Variants in TMEM35A observed in about 807,000 individuals in gnomAD.
TMEM35A encodes nicotinic acetylcholine receptor chaperone.
For missense variants in TMEM35A, 83 were observed against 132.7 expected, an observed-to-expected ratio of 0.63 and a Z score of 1.84; for synonymous variants, 50 against 54.7, an observed-to-expected ratio of 0.91 and a Z score of 0.38.
At chrX:101,081,860 C>G (rs1043221546) in intron 1 of TMEM35A, 1 of 111,066 alleles carries the variant, frequency 9.0e-6, no homozygotes, top group Non-Finnish European at 1.9e-5. Context: ...ATGACATATC[C>G]AAGGCCAGAA....
intron 1 of TMEM35A, among the ~76,000 whole-genome samples, chrX:101,087,784 T>C (rs2089311742): frequency 9.0e-6 from 1 of 111,623 alleles, no homozygotes; most frequent in African/African-American, 3.3e-5. Context: ...GCTGGGCACA[T>C]AACAAGGTCA....
At chrX:101,091,906 C>G (rs1405847015) in intron 1 of TMEM35A, among the ~76,000 whole-genome samples, 1 of 111,273 alleles carries the variant, frequency 9.0e-6, no homozygotes, top group Non-Finnish European at 1.9e-5. Flanking sequence ...GAGTGCCTCA[C>G]CACCCACTTT....
rs1380810531 is a variant in TMEM35A at position 101,095,143 on chromosome X, T to G, written c.*187T>G. ...AATGACTTCCCCACATTGACATTTG[T>G]GCGCCACCTTTAATCACTCTGGGGC... On this transcript the variant is annotated 3_prime_UTR_variant, in exon 2 of 2. Coordinates refer to ENST00000372930, the MANE Select transcript of TMEM35A (RefSeq NM_021637.3). 1 of 460,090 alleles carries G rather than the reference T, an allele frequency of 2.2e-6. No individual in the cohort carries two copies. The highest frequency in any genetic ancestry group is 3.5e-6 in the Non-Finnish European group (1 of 284,956). The allele number at this position is 460,090 out of a possible 1,213,427, so 37.9% of individuals were successfully genotyped here. A position where few individuals can be genotyped will look rare whatever the true frequency, so the allele number is the denominator to read the frequency against.
At chrX:101,079,155 C>T (rs781148706) in intron 1 of TMEM35A, 33 bp downstream of exon 1, 103 of 1,202,495 alleles carry the variant, frequency 8.6e-5, no homozygotes, top group Non-Finnish European at 1.1e-4. Context: ...GAGGAGCGCA[C>T]TCCCATGGGA....
intron 1 of TMEM35A, among the ~76,000 whole-genome samples, chrX:101,083,677 T>TTAC (rs2148108791): frequency 1.8e-5 from 2 of 111,659 alleles, no homozygotes; most frequent in East Asian, 5.6e-4. Flanking sequence ...CTCTCTGAGG[T>TTAC]GGTACAGTAC....
Position 101,079,023 on chromosome X carries a change from A to C in TMEM35A, c.21A>C (p.Val7=). Residue 7 remains valine (V), a synonymous_variant, in exon 1 of 2, where the codon GTA becomes GTC. Coordinates refer to ENST00000372930, the MANE Select transcript of TMEM35A (RefSeq NM_021637.3). MASPRT[V]TIVALSVALG... ...ACCCCATGGCATCCCCCAGAACCGT[A>C]ACTATTGTGGCCCTCTCAGTGGCCC... is the stretch of plus-strand genomic sequence containing the variant. 2 of 1,211,326 alleles carry C rather than the reference A, an allele frequency of 1.7e-6. No individual in the cohort carries two copies. The highest frequency in any genetic ancestry group is 2.2e-6 in the Non-Finnish European group (2 of 895,333).
intron 1 of TMEM35A, among the ~76,000 whole-genome samples, chrX:101,093,684 G>A (rs1253951263): frequency 1.8e-5 from 2 of 111,938 alleles, no homozygotes; most frequent in Admixed American, 9.6e-5. Context: ...CAAATTATTC[G>A]CCTTATTACC....
At chrX:101,082,137 T>TC (rs1463310219) in intron 1 of TMEM35A, among the ~76,000 whole-genome samples, 1 of 81,267 alleles carries the variant, frequency 1.2e-5, no homozygotes, top group Non-Finnish European at 2.1e-5. Context: ...TTCTTTCTTT[T>TC]TTTTTTTTTT....
In TMEM35A at chrX:101,095,310, TGCGC is replaced by T. The variant is rs201592497; in HGVS notation, c.*365_*368del. On this transcript the variant is annotated 3_prime_UTR_variant, in exon 2 of 2. Transcript: ENST00000372930. ...CTCTGTGTGTGTGTGTGTGTGTGTG[TGCGC>T]GCGCGCGCGCACGCGCACACACTCA... is the stretch of plus-strand genomic sequence containing the variant. 2,177 of 109,345 alleles carry T rather than the reference TGCGC, an allele frequency of 0.02. 68 individuals carry two copies. Among genetic ancestry groups the T allele is most frequent in the African/African-American group, 0.077 (1,920 of 25,037 alleles). The allele number at this position is 109,345 out of a possible 1,213,427, so 9.0% of individuals were successfully genotyped here.
In TMEM35A at chrX:101,078,891, G is replaced by T; in HGVS notation, c.-112G>T. On this transcript the variant is annotated 5_prime_UTR_variant, in exon 1 of 2. Transcript: ENST00000372930. ...CTCCTCTCCCTTTGTCATTCTAGCT[G>T]CCTGCTGCCTCCGCAGCGTCCCCCC... 9.8e-7 allele frequency: 1 copy of T among 1,025,313 alleles called. No homozygotes were observed. Among genetic ancestry groups the T allele is most frequent in the South Asian group, 2.2e-5 (1 of 45,852 alleles). 84.5% of individuals were successfully genotyped at this position (1,025,313 alleles called of 1,213,427 possible).
In TMEM35A at chrX:101,094,567, C is replaced by A; in HGVS notation, c.121-6C>A. ...CAGTAATTTCCTTACAATATTCTCA[C>A]TCTAGAAACGTGCTTACAAGAGCTA... On this transcript the variant is annotated splice_polypyrimidine_tract_variant and splice_region_variant and intron_variant, in intron 1 of 1. Transcript: ENST00000372930. 8.4e-7 allele frequency: 1 copy of A among 1,191,216 alleles called. No individual in the cohort carries two copies. Among genetic ancestry groups the A allele is most frequent in the Admixed American group, 2.3e-5 (1 of 43,586 alleles).
At position 101,094,746 on chromosome X, in the gene TMEM35A, G is replaced by A. The variant is rs376281869; in HGVS notation, c.294G>A (p.Val98=). Residue 98 remains valine, a synonymous_variant, in exon 2 of 2, where the codon GTG becomes GTA. Transcript: ENST00000372930. ...CCAACTTCTTCCTACTGTTGCTGGT[G>A]TTGGCTGTGCTCTTCTTCCACCAGC... ...DVANFFLLLL[V]LAVLFFHQLV... 2.5e-6 allele frequency: 3 copies of A among 1,209,558 alleles called. No individual in the cohort carries two copies. Among genetic ancestry groups the A allele is most frequent in the Non-Finnish European group, 3.4e-6 (3 of 895,263 alleles).
chrX:101,087,337 T>A (rs908671226), intron 1 of TMEM35A, among the ~76,000 whole-genome samples: 11 of 112,084 alleles, frequency 9.8e-5, no homozygotes, highest in Non-Finnish European at 1.9e-4. Context: ...CATCCAAGCT[T>A]AGTCCCATCT....
intron 1 of TMEM35A, among the ~76,000 whole-genome samples, chrX:101,085,833 A>G (rs1293487486): frequency 3.6e-5 from 4 of 109,627 alleles, no homozygotes; most frequent in African/African-American, 1.3e-4. Context: ...GCTACTCAGG[A>G]GGCTGAGGCT....
At chrX:101,082,666 C>T (rs751131372) in intron 1 of TMEM35A, among the ~76,000 whole-genome samples, 6 of 109,789 alleles carry the variant, frequency 5.5e-5, no homozygotes, top group East Asian at 5.8e-4. Flanking sequence ...ATTTATGAGA[C>T]GGAGTTTTGC....
In TMEM35A at chrX:101,078,908, C is replaced by G. The variant is rs944650664; in HGVS notation, c.-95C>G. The stretch of plus-strand genomic sequence containing the variant: ...TTCTAGCTGCCTGCTGCCTCCGCAG[C>G]GTCCCCCCAGCTCTCCCTGTGCTAA... On this transcript the variant is annotated 5_prime_UTR_variant, in exon 1 of 2. Transcript: ENST00000372930. 5.4e-6 allele frequency: 6 copies of G among 1,107,730 alleles called. No homozygotes were observed. In the African/African-American group the frequency reaches 7.3e-5, roughly 13 times the overall value. 91.3% of individuals were successfully genotyped at this position (1,107,730 alleles called of 1,213,427 possible). A position where few individuals can be genotyped will look rare whatever the true frequency, so the allele number is the denominator to read the frequency against.
chrX:101,083,201 C>T, intron 1 of TMEM35A, among the ~76,000 whole-genome samples: 1 of 111,847 alleles, frequency 8.9e-6, no homozygotes. Context: ...ACTCCCTTGA[C>T]TAAATGCCTT....
chrX:101,079,220 C>G, intron 1 of TMEM35A, 98 bp downstream of exon 1: 1 of 1,020,899 alleles, frequency 9.8e-7, no homozygotes, highest in South Asian at 2.2e-5. Context: ...ACCCCCTTAG[C>G]CCCTATCCCC....
chrX:101,079,188 T>C, intron 1 of TMEM35A, 66 bp downstream of exon 1: 1 of 1,167,554 alleles, frequency 8.6e-7, no homozygotes, highest in Non-Finnish European at 1.2e-6. Context: ...CTCCCCTTTT[T>C]TCCTTCTCAG....
Sources: gnomAD v4.1 joint callset for allele counts (sites outside exome capture counted in the v4.1 genomes callset) on GRCh38, gnomAD v4.1.1 for gene constraint, MANE v1.5 for transcripts, NCBI Gene and HGNC (gene_info 2026-07-23, HGNC 2026-07-21) for gene names.